The following MAGI1 variants were observed in gnomAD, a reference collection of about 807,000 sequenced individuals.
The protein encoded by MAGI1 is membrane associated guanylate kinase, WW and PDZ domain containing 1.
MAGI1 carries 58 observed loss-of-function variants against 139.9 expected under a neutral mutation model. That is an observed-to-expected ratio of 0.41 (90% CI 0.34 to 0.52). The LOEUF is 0.52. Among genes scored for constraint, MAGI1 ranks in the 20% least tolerant of loss-of-function variants. The pLI is 0.12. For synonymous variants in MAGI1, 812 were observed against 737.9 expected (o/e 1.10, Z -1.63); for missense variants, 1,874 against 1,901.6 (o/e 0.99, Z 0.27).
intron 2 of MAGI1, among the ~76,000 whole-genome samples, chr3:65,543,874 A>C (rs2079372197): frequency 6.6e-6 from 1 of 152,192 alleles, no homozygotes; most frequent in Non-Finnish European, 1.5e-5. Flanking sequence ...CACATTCTGC[A>C]CATGTATCCC....
intron 13 of MAGI1, among the ~76,000 whole-genome samples, chr3:65,400,654 C>G (rs536696596): frequency 1.1e-3 from 174 of 151,612 alleles, no homozygotes; most frequent in Admixed American, 2.2e-3. Flanking sequence ...CCCATACCAC[C>G]AAGCAAAACA....
At chr3:65,815,921 C>G (rs2041572862) in intron 1 of MAGI1, among the ~76,000 whole-genome samples, 1 of 152,164 alleles carries the variant, frequency 6.6e-6, no homozygotes, top group South Asian at 2.1e-4. Flanking sequence ...CTAACATACT[C>G]CACTGCCTCT....
chr3:65,487,430 C>T (rs1055575720), intron 3 of MAGI1, among the ~76,000 whole-genome samples: 5 of 152,158 alleles, frequency 3.3e-5, no homozygotes, highest in African/African-American at 1.2e-4. Flanking sequence ...AGAAGCATTA[C>T]TTTTCAGGCA....
intron 4 of MAGI1, among the ~76,000 whole-genome samples, chr3:65,472,744 G>T (rs1437060735): frequency 6.6e-6 from 1 of 152,116 alleles, no homozygotes; most frequent in Non-Finnish European, 1.5e-5. Flanking sequence ...GAAGGGAGCT[G>T]GGCACTCAGT....
At chr3:65,679,577 A>T (rs1034624219) in intron 1 of MAGI1, among the ~76,000 whole-genome samples, 10 of 152,074 alleles carry the variant, frequency 6.6e-5, no homozygotes, top group African/African-American at 2.4e-4. Context: ...AAAAAAAAAT[A>T]AAAAAGCCCA....
intron 1 of MAGI1, among the ~76,000 whole-genome samples, chr3:65,758,090 AAAC>A (rs1228697190): frequency 1.4e-4 from 21 of 152,330 alleles, no homozygotes; most frequent in Non-Finnish European, 1.9e-4. Context: ...GTTCTAACCA[AAAC>A]AACAACAACA....
chr3:66,021,802 A>G (rs548771053), intron 1 of MAGI1, among the ~76,000 whole-genome samples: 1 of 152,268 alleles, frequency 6.6e-6, no homozygotes, highest in South Asian at 2.1e-4. Flanking sequence ...GGGAGACATG[A>G]GTCAGAATCA....
At chr3:65,641,991 G>C (rs1305774088) in intron 1 of MAGI1, among the ~76,000 whole-genome samples, 1 of 152,178 alleles carries the variant, frequency 6.6e-6, no homozygotes, top group Non-Finnish European at 1.5e-5. Context: ...AGGTGAGAAA[G>C]GGCCTGCTGG....
intron 1 of MAGI1, among the ~76,000 whole-genome samples, chr3:65,760,388 A>AT (rs5849690): frequency 0.061 from 8,904 of 145,182 alleles, 355 homozygotes; most frequent in Middle Eastern, 0.13. Context: ...CAGAGCGGTA[A>AT]TTTTTTTTTT....
At chr3:65,730,568 A>T (rs2034083214) in intron 1 of MAGI1, among the ~76,000 whole-genome samples, 1 of 152,194 alleles carries the variant, frequency 6.6e-6, no homozygotes, top group Non-Finnish European at 1.5e-5. Context: ...TGGACTGACG[A>T]GACTGGCTTA....
chr3:65,590,258 C>T (rs912759988), intron 2 of MAGI1, among the ~76,000 whole-genome samples: 1 of 152,150 alleles, frequency 6.6e-6, no homozygotes, highest in African/African-American at 2.4e-5. Context: ...TGTCTCTCAC[C>T]ACCACCAATT....
chr3:65,499,235 C>T (rs981965100), intron 2 of MAGI1, among the ~76,000 whole-genome samples: 2 of 151,652 alleles, frequency 1.3e-5, no homozygotes, highest in Admixed American at 6.6e-5. Flanking sequence ...AAGACCAAAA[C>T]AAAAGCAGCC....
chr3:65,665,719 T>C (rs555630958), intron 1 of MAGI1, among the ~76,000 whole-genome samples: 1 of 152,148 alleles, frequency 6.6e-6, no homozygotes, highest in African/African-American at 2.4e-5. Context: ...ACTGACAGTA[T>C]GTGGATCACT....
chr3:65,712,081 G>C (rs138202510), intron 1 of MAGI1, among the ~76,000 whole-genome samples: 2 of 152,212 alleles, frequency 1.3e-5, no homozygotes, highest in African/African-American at 4.8e-5. Context: ...TCTTGTGATG[G>C]TTTAAAAACA....
intron 1 of MAGI1, among the ~76,000 whole-genome samples, chr3:66,000,627 C>A (rs770662204): frequency 5.9e-5 from 9 of 152,208 alleles, no homozygotes; most frequent in South Asian, 2.1e-4. Flanking sequence ...GTATTCCACA[C>A]TGGAGTATTT....
chr3:66,014,064 G>A (rs750001879), intron 1 of MAGI1, among the ~76,000 whole-genome samples: 3 of 152,022 alleles, frequency 2.0e-5, no homozygotes, highest in East Asian at 1.9e-4. Flanking sequence ...CTACACCAAC[G>A]AGTCACCTAT....
chr3:65,802,478 A>G (rs2040575588), intron 1 of MAGI1, among the ~76,000 whole-genome samples: 1 of 152,172 alleles, frequency 6.6e-6, no homozygotes, highest in Non-Finnish European at 1.5e-5. Context: ...TCTGTGTAAG[A>G]AATGTCTAGA....
At chr3:66,006,520 C>T (rs1240742537) in intron 1 of MAGI1, among the ~76,000 whole-genome samples, 5 of 152,052 alleles carry the variant, frequency 3.3e-5, no homozygotes, top group South Asian at 2.1e-4. Flanking sequence ...TATACATATA[C>T]ATATGAGTAA....
At chr3:65,496,648 C>T (rs1952479220) in intron 2 of MAGI1, among the ~76,000 whole-genome samples, 1 of 152,086 alleles carries the variant, frequency 6.6e-6, no homozygotes, top group African/African-American at 2.4e-5. Context: ...CTCTCCATGC[C>T]ACCCACCAAT....
Sources: gnomAD v4.1 joint callset for allele counts (sites outside exome capture counted in the v4.1 genomes callset) on GRCh38, gnomAD v4.1.1 for gene constraint, MANE v1.5 for transcripts, NCBI Gene and HGNC (gene_info 2026-07-23, HGNC 2026-07-21) for gene names.